NECTIN3: variants seen among roughly 807,000 people sequenced by gnomAD.
NECTIN3 encodes the protein nectin-3.
NECTIN3 carries 8 observed loss-of-function variants against 49.4 expected under a neutral mutation model. That is an observed-to-expected ratio of 0.16 (90% CI 0.10 to 0.29). The LOEUF is 0.29. Ranked by LOEUF, NECTIN3 falls within the 10% of genes least tolerant of loss-of-function variation. The pLI is 1.00. For missense variants in NECTIN3, 581 were observed against 654.6 expected (o/e 0.89, Z 1.23); for synonymous variants, 277 against 241.1 (o/e 1.15, Z -1.38).
At chr3:111,131,429 C>A (rs2034385676) in intron 5 of NECTIN3, among the ~76,000 whole-genome samples, 1 of 151,872 alleles carries the variant, frequency 6.6e-6, no homozygotes, top group East Asian at 1.9e-4. Context: ...AATTAGAAAA[C>A]AGAGAAAATA....
chr3:111,140,750 G>A (rs934766298), downstream of NECTIN3, among the ~76,000 whole-genome samples: 1 of 151,744 alleles, frequency 6.6e-6, no homozygotes, highest in Non-Finnish European at 1.5e-5. Context: ...CCAAGTGAAG[G>A]GCTGTCTACT....
At chr3:111,181,245 C>A (rs2035622200) in intron 7 of NECTIN3, among the ~76,000 whole-genome samples, 2 of 152,248 alleles carry the variant, frequency 1.3e-5, no homozygotes, top group South Asian at 2.1e-4. Context: ...CGTCCAATTT[C>A]TTTTGCTCAG....
chr3:111,183,362 A>G (rs1406989842), intron 7 of NECTIN3, among the ~76,000 whole-genome samples: 1 of 148,738 alleles, frequency 6.7e-6, no homozygotes, highest in East Asian at 2.0e-4. Context: ...CCCAGGCTGG[A>G]GTGCAATGGC....
chr3:111,095,897 C>T (rs878949201), intron 1 of NECTIN3, among the ~76,000 whole-genome samples: 8 of 152,084 alleles, frequency 5.3e-5, no homozygotes, highest in South Asian at 4.1e-4. Context: ...TGCTCAGTCT[C>T]GGGTATGTCT....
intron 1 of NECTIN3, chr3:111,192,562 C>G (rs2107539928): frequency 1.2e-6 from 1 of 814,340 alleles, no homozygotes; most frequent in Non-Finnish European, 1.9e-6. Context: ...TTGAATTTTA[C>G]TCTTAGAAGT....
intron 1 of NECTIN3, among the ~76,000 whole-genome samples, chr3:111,098,242 C>G (rs570765609): frequency 2.6e-3 from 402 of 152,276 alleles, no homozygotes; most frequent in Non-Finnish European, 4.4e-3. Context: ...TACTGTTGTT[C>G]TGGGTATCAT....
At chr3:111,110,316 G>A (rs887386429) in intron 1 of NECTIN3, among the ~76,000 whole-genome samples, 1 of 151,564 alleles carries the variant, frequency 6.6e-6, no homozygotes, top group Non-Finnish European at 1.5e-5. Flanking sequence ...GATTTGAGAA[G>A]AATCTACTTT....
At chr3:111,094,133 CTTATT>C (rs527843186) in intron 1 of NECTIN3, among the ~76,000 whole-genome samples, 150 of 151,668 alleles carry the variant, frequency 9.9e-4, no homozygotes, top group Non-Finnish European at 1.9e-3. Flanking sequence ...TATATATTGA[CTTATT>C]TTATATTTAC....
rs755848393 is a variant in NECTIN3, at chr3:111,112,159, A to G, written c.290A>G (p.Lys97Arg). ...TQISWEKIHGKSSQTVAVHHP... is the reference protein window; with the variant it reads ...TQISWEKIHGRSSQTVAVHHP... ...ATTTCATGGGAGAAGATACATGGCA[A>G]AAGTTCACAGACTGTTGCAGTTCAC... Residue 97 changes from lysine (K) to arginine (R), a missense_variant, in exon 2 of 6, where the codon AAA becomes AGA. This residue lies in a region of NECTIN3 where 234 missense variants were observed against 340.6 expected (regional missense o/e 0.69). Transcript: ENST00000485303. 5 of 1,613,856 alleles carry G rather than the reference A, an allele frequency of 3.1e-6. No homozygotes were observed. The highest frequency in any genetic ancestry group is 2.7e-5 in the African/African-American group (2 of 74,890).
chr3:111,105,582 T>C (rs1440290680), intron 1 of NECTIN3, among the ~76,000 whole-genome samples: 1 of 152,210 alleles, frequency 6.6e-6, no homozygotes, highest in Admixed American at 6.5e-5. Context: ...ACCCTTTTCA[T>C]AGTAGCTTTA....
Position 111,073,265 on chromosome 3 carries a change from A to T in NECTIN3, c.160+1088A>T, listed in dbSNP as rs2107343762. ...TCATAAAACCGTAAACTGAAGTTTTACTAGTATTTATTAAAAGGAGAGATG... is the reference window on the plus strand; with the variant it reads ...TCATAAAACCGTAAACTGAAGTTTTTCTAGTATTTATTAAAAGGAGAGATG... On this transcript the variant is annotated intron_variant, in intron 1 of 5. Transcript: ENST00000485303. Among the ~76,000 whole-genome samples the T allele has an allele frequency of 2.0e-5, 3 of 152,316 alleles. 1 individual carries two copies. The South Asian group carries it at 6.2e-4, about 32-fold the overall frequency.
chr3:111,093,408 G>T (rs1400292099), intron 1 of NECTIN3, among the ~76,000 whole-genome samples: 11 of 141,202 alleles, frequency 7.8e-5, no homozygotes, highest in South Asian at 4.7e-4. Flanking sequence ...AATGTGTGTG[G>T]TTTTTTTATT....
At chr3:111,143,817 G>C (rs1255444135) in intron 5 of NECTIN3, among the ~76,000 whole-genome samples, 1 of 151,922 alleles carries the variant, frequency 6.6e-6, no homozygotes, top group East Asian at 1.9e-4. Context: ...ATTTCTCTCT[G>C]TGTTCTCTAC....
chr3:111,152,150 G>T (rs1477535630), intron 7 of NECTIN3, among the ~76,000 whole-genome samples: 1 of 151,772 alleles, frequency 6.6e-6, no homozygotes, highest in African/African-American at 2.4e-5. Context: ...TACATAGTTT[G>T]TAATGTCAAA....
intron 1 of NECTIN3, among the ~76,000 whole-genome samples, chr3:111,094,202 C>G (rs2032451919): frequency 6.6e-6 from 1 of 151,828 alleles, no homozygotes; most frequent in East Asian, 1.9e-4. Flanking sequence ...AAAACTGTGA[C>G]AATACTTTTA....
At position 111,100,703 on chromosome 3, in the gene NECTIN3, CTT is replaced by C. The variant is rs1416644847; in HGVS notation, c.161-11325_161-11324del. 4.6e-5 allele frequency among the ~76,000 whole-genome samples: 7 copies of C among 151,812 alleles called. No individual in the cohort carries two copies. In the South Asian group the frequency reaches 8.3e-4, roughly 18 times the overall value. Reference sequence around the variant, plus strand: ...ATATTTAAATAGTAATTTAAACTAACTTTAAGACTTTTTTAAAAACTAATTTT... The same window carrying C: ...ATATTTAAATAGTAATTTAAACTAACTAAGACTTTTTTAAAAACTAATTTT... On this transcript the variant is annotated intron_variant, in intron 1 of 5. Coordinates refer to ENST00000485303, the MANE Select transcript of NECTIN3 (RefSeq NM_015480.3).
Position 111,137,495 on chromosome 3 carries a change from A to G in NECTIN3, c.*3280A>G. 1.2e-6 allele frequency: 1 copy of G among 866,136 alleles called. No individual in the cohort carries two copies. 53.7% of individuals were successfully genotyped at this position (866,136 alleles called of 1,614,324 possible). ...TTCTTTTTTAACCAACCTGTGTATT[A>G]GGTGTTAGCCCCAATAGCCATGCAT... is the stretch of plus-strand genomic sequence containing the variant. On this transcript the variant is annotated 3_prime_UTR_variant, in exon 6 of 6. Transcript: ENST00000485303.
At chr3:111,146,784 A>G (rs998988298) in intron 6 of NECTIN3, among the ~76,000 whole-genome samples, 28 of 152,308 alleles carry the variant, frequency 1.8e-4, no homozygotes, top group African/African-American at 6.3e-4. Context: ...GCTATAAGGT[A>G]TATTAAAACT....
intron 5 of NECTIN3, among the ~76,000 whole-genome samples, chr3:111,127,413 G>C (rs1024038200): frequency 6.8e-6 from 1 of 147,742 alleles, no homozygotes; most frequent in Admixed American, 6.8e-5. Flanking sequence ...ATTCACGACT[G>C]TATACTCAGC....
Sources: gnomAD v4.1 joint callset for allele counts (sites outside exome capture counted in the v4.1 genomes callset) on GRCh38, gnomAD v4.1.1 for gene constraint, gnomAD v4.1.1 regional missense constraint, MANE v1.5 for transcripts, NCBI Gene and HGNC (gene_info 2026-07-23, HGNC 2026-07-21) for gene names.